The following CNDP2 variants were observed in gnomAD, a reference collection of about 807,000 sequenced individuals.
CNDP2 encodes carnosine dipeptidase 2, also known as cytosolic non-specific dipeptidase.
CNDP2 carries 38 observed loss-of-function variants against 55.0 expected under a neutral mutation model. The ratio of observed to expected loss-of-function variants is 0.69; its 90% CI spans 0.53 to 0.90. The LOEUF is 0.90. Ranked by LOEUF, CNDP2 falls within the 40% of genes least tolerant of loss-of-function variation. The probability of loss-of-function intolerance (pLI) is 0.00; values close to 1 mark genes in which losing one functional copy is unlikely to be tolerated. For synonymous variants in CNDP2, 241 were observed against 260.2 expected, an observed-to-expected ratio of 0.93 and a Z score of 0.71; for missense variants, 607 against 621.7, an observed-to-expected ratio of 0.98 and a Z score of 0.25.
chr18:74,508,781 ACG>A, intron 4 of CNDP2, 57 bp from the exon 5 acceptor site: 1 of 1,413,004 alleles, frequency 7.1e-7, no homozygotes, highest in East Asian at 2.3e-5. Flanking sequence ...CACCTGAGAC[ACG>A]CTGCTTCTGG....
intron 7 of CNDP2, 100 bp downstream of exon 7, chr18:74,512,632 C>A: frequency 2.1e-6 from 2 of 959,774 alleles, no homozygotes; most frequent in Non-Finnish European, 3.2e-6. Flanking sequence ...CAGCATTCCA[C>A]ATGAACCAAC....
chr18:74,501,221 C>CAGATG, intron 2 of CNDP2, 108 bp from the exon 3 acceptor site: 1 of 1,480,654 alleles, frequency 6.8e-7, no homozygotes, highest in Non-Finnish European at 9.0e-7. Context: ...GCCTGTTCAA[C>CAGATG]TGCAGCAGCC....
At chr18:74,519,209 C>T (rs8084887) in intron 11 of CNDP2, 113 bp downstream of exon 11, 11 of 1,329,536 alleles carry the variant, frequency 8.3e-6, no homozygotes, top group South Asian at 3.0e-5. Context: ...GTGATGGCCC[C>T]GTGACCTGCC....
At position 74,520,506 on chromosome 18, in the gene CNDP2, A is replaced by C; in HGVS notation, c.*438A>C. ...TCTGTCTCTACAAAAAGTTTAAGAA[A>C]TGAGCCAGACATGGTGGTGTATGCC... On this transcript the variant is annotated 3_prime_UTR_variant, in exon 12 of 12. Transcript: ENST00000324262. The C allele has an allele frequency of 5.4e-6, 1 of 184,028 alleles. No individual in the cohort carries two copies. The highest frequency in any genetic ancestry group is 1.1e-5 in the Non-Finnish European group (1 of 88,362). The allele number at this position is 184,028 out of a possible 1,614,324, so 11.4% of individuals were successfully genotyped here.
Position 74,521,399 on chromosome 18 carries a change from T to G in CNDP2, c.*1331T>G, listed in dbSNP as rs1467900067. The G allele has an allele frequency of 1.3e-5, 2 of 152,228 alleles. No homozygotes were observed. Among genetic ancestry groups the G allele is most frequent in the African/African-American group, 2.4e-5 (1 of 41,428 alleles). The allele number at this position is 152,228 out of a possible 1,614,324, so 9.4% of individuals were successfully genotyped here. A position where few individuals can be genotyped will look rare whatever the true frequency, so the allele number is the denominator to read the frequency against. Reference sequence around the variant, plus strand: ...TAAACAAAGAATTGATTGGCCCACTTGACATAAAAGAACAGAGTAAACTCA... The same window carrying G: ...TAAACAAAGAATTGATTGGCCCACTGGACATAAAAGAACAGAGTAAACTCA... On this transcript the variant is annotated 3_prime_UTR_variant, in exon 12 of 12. Coordinates refer to ENST00000324262, the MANE Select transcript of CNDP2 (RefSeq NM_018235.3).
intron 6 of CNDP2, among the ~76,000 whole-genome samples, chr18:74,511,527 T>C (rs1410423762): frequency 6.6e-6 from 1 of 151,852 alleles, no homozygotes; most frequent in Non-Finnish European, 1.5e-5. Context: ...GCCAACATGG[T>C]GAAACCCCGT....
chr18:74,513,485 G>C, intron 7 of CNDP2, 74 bp from the exon 8 acceptor site: 1 of 1,443,934 alleles, frequency 6.9e-7, no homozygotes, highest in Non-Finnish European at 9.2e-7. Flanking sequence ...GCTTCCTGGG[G>C]TCGGTGCAGG....
chr18:74,506,079 G>A (rs1208728239), intron 4 of CNDP2, 68 bp downstream of exon 4: 13 of 1,419,326 alleles, frequency 9.2e-6, no homozygotes, highest in South Asian at 3.1e-5. Context: ...TTGCTAGTCC[G>A]TTTTTCTGTT....
chr18:74,511,038 A>G (rs781750509), intron 6 of CNDP2, 25 bp downstream of exon 6: 38 of 1,592,554 alleles, frequency 2.4e-5, no homozygotes, highest in Non-Finnish European at 3.1e-5. Flanking sequence ...TGTACGGGTC[A>G]CTTCTTTCTA....
At chr18:74,506,101 C>T in intron 4 of CNDP2, 90 bp downstream of exon 4, 1 of 1,149,264 alleles carries the variant, frequency 8.7e-7, no homozygotes, top group Non-Finnish European at 1.1e-6. Flanking sequence ...CCAGTACAGA[C>T]TGTTTTTATT....
intron 5 of CNDP2, 91 bp downstream of exon 5, chr18:74,509,019 G>A (rs1042491002): frequency 1.5e-5 from 16 of 1,064,824 alleles, no homozygotes; most frequent in Non-Finnish European, 2.1e-5. Flanking sequence ...AGCTTATAAA[G>A]CTCACAGGAA....
Position 74,520,040 on chromosome 18 carries a change from T to C in CNDP2, c.1400T>C (p.Leu467Pro). The C allele has an allele frequency of 1.9e-6, 3 of 1,614,140 alleles. No individual in the cohort carries two copies. The highest frequency in any genetic ancestry group is 2.5e-6 in the Non-Finnish European group (3 of 1,179,996). The change falls in exon 12 of 12, where the codon CTG becomes CCG. Residue 467 changes from leucine to proline, a missense_variant. Coordinates refer to ENST00000324262, the MANE Select transcript of CNDP2 (RefSeq NM_018235.3). ...GGAACCAAGATGCTGGCCGCGTACCTGTATGAGGTCTCCCAGCTGAAGGAC... is the reference window on the plus strand; with the variant it reads ...GGAACCAAGATGCTGGCCGCGTACCCGTATGAGGTCTCCCAGCTGAAGGAC... ...IEGTKMLAAY[L>P]YEVSQLKD
chr18:74,517,330 C>T (rs529263466), intron 9 of CNDP2: 9 of 152,348 alleles, frequency 5.9e-5, no homozygotes, highest in African/African-American at 2.2e-4. Context: ...CAGGAGCAGC[C>T]TTGGAGAGGT....
At chr18:74,512,191 G>A in intron 6 of CNDP2, 1 of 442,836 alleles carries the variant, frequency 2.3e-6, no homozygotes, top group Non-Finnish European at 4.1e-6. Context: ...TAGGCAGATT[G>A]CCCTGTGGAA....
At chr18:74,518,469 T>C (rs903968561) in intron 9 of CNDP2, 30 bp from the exon 10 acceptor site, 1 of 1,613,566 alleles carries the variant, frequency 6.2e-7, no homozygotes, top group Non-Finnish European at 8.5e-7. Context: ...TTATAAAGCA[T>C]TGTATACCTC....
Position 74,512,723 on chromosome 18 carries a change from C to T in CNDP2, c.742+191C>T, listed in dbSNP as rs533031917. Among the ~76,000 whole-genome samples, 4 of 152,212 alleles carry T rather than the reference C, an allele frequency of 2.6e-5. No individual in the cohort carries two copies. In the South Asian group the frequency reaches 8.3e-4, roughly 32 times the overall value. ...AGAGGCCCCCTTGTTTGATTTTTGC[C>T]CCTGAAACCCTCCTGTGCCTGTCAC... On this transcript the variant is annotated intron_variant, in intron 7 of 11. Coordinates refer to ENST00000324262, the MANE Select transcript of CNDP2 (RefSeq NM_018235.3).
Position 74,496,409 on chromosome 18 carries a change from G to T in CNDP2, c.-115G>T, listed in dbSNP as rs753275112. ...CGCTTGCTGCTGGTAACAGGGCCTT[G>T]CCTAGTGGGCCTTCCTTCCCAGGTG... On this transcript the variant is annotated 5_prime_UTR_variant, in exon 1 of 12. Transcript: ENST00000324262. 2 of 152,370 alleles carry T rather than the reference G, an allele frequency of 1.3e-5. No individual in the cohort carries two copies. The highest frequency in any genetic ancestry group is 6.5e-5 in the Admixed American group (1 of 15,288). 9.4% of individuals were successfully genotyped at this position (152,370 alleles called of 1,614,324 possible).
chr18:74,519,739 C>T (rs1979939985), intron 11 of CNDP2, among the ~76,000 whole-genome samples: 1 of 152,188 alleles, frequency 6.6e-6, no homozygotes, highest in African/African-American at 2.4e-5. Flanking sequence ...TGGGAGGAGC[C>T]CACGATCCGA....
At chr18:74,511,039 CTTCTTTCTAACCCCTGAATCTCCCGG>C (rs1050159161) in intron 6 of CNDP2, 26 bp downstream of exon 6, 5 of 1,592,680 alleles carry the variant, frequency 3.1e-6, no homozygotes, top group Non-Finnish European at 4.3e-6. Context: ...GTACGGGTCA[CTTCTTTCTAACCCCTGAATCTCCCGG>C]TTCTCCCAAA....
Sources: gnomAD v4.1 joint callset for allele counts (sites outside exome capture counted in the v4.1 genomes callset) on GRCh38, gnomAD v4.1.1 for gene constraint, MANE v1.5 for transcripts, NCBI Gene and HGNC (gene_info 2026-07-23, HGNC 2026-07-21) for gene names.